Variants in SATB2 observed in about 807,000 individuals in gnomAD.
The protein encoded by SATB2 is DNA-binding protein SATB2.
SATB2 carries 1 observed loss-of-function variant against 73.4 expected under a neutral mutation model. That is an observed-to-expected ratio of 0.01 (90% CI 0.00 to 0.06). SATB2 has a LOEUF of 0.06. Ranked by LOEUF, SATB2 falls within the 10% of genes least tolerant of loss-of-function variation. The probability of loss-of-function intolerance (pLI) is 1.00; values close to 1 mark genes in which losing one functional copy is unlikely to be tolerated. For missense variants in SATB2, 459 were observed against 945.8 expected, an observed-to-expected ratio of 0.49 and a Z score of 6.75; for synonymous variants, 397 against 367.0, an observed-to-expected ratio of 1.08 and a Z score of -0.93.
Position 199,272,325 on chromosome 2 carries a change from G to C in SATB2, c.2088C>G (p.Thr696=). 4 of 1,614,072 alleles carry C rather than the reference G, an allele frequency of 2.5e-6. No homozygotes were observed. The highest frequency in any genetic ancestry group is 3.4e-6 in the Non-Finnish European group (4 of 1,180,006). ...VAEYKDEELL[T]ESEENDSEEG... is the part of the protein sequence containing the mutation. Reference sequence around the variant, plus strand: ...CCTCGCTGTCGTTCTCCTCTGACTCGGTCAGCAGCTCCTCGTCCTTATATT... The same window carrying C: ...CCTCGCTGTCGTTCTCCTCTGACTCCGTCAGCAGCTCCTCGTCCTTATATT... The change falls in exon 11 of 11, where the codon ACC becomes ACG. Residue 696 remains threonine (T), a synonymous_variant. Transcript: ENST00000417098. This position sits in a 1 kb window ranked among gnomAD's most constrained non-coding sequence, Gnocchi z 6.7.
At chr2:199,400,281 T>C (rs566863384) in intron 3 of SATB2, among the ~76,000 whole-genome samples, 1 of 152,306 alleles carries the variant, frequency 6.6e-6, no homozygotes, top group East Asian at 1.9e-4. Context: ...GCACTGAACT[T>C]AGCACCTGGC....
chr2:199,374,434 G>T (rs979617738), intron 5 of SATB2, among the ~76,000 whole-genome samples: 2 of 152,176 alleles, frequency 1.3e-5, no homozygotes, highest in Admixed American at 6.5e-5. Flanking sequence ...TTGCTTAAAG[G>T]TTACAGACTT....
intron 2 of SATB2, among the ~76,000 whole-genome samples, chr2:199,443,722 A>G (rs1394538735): frequency 6.6e-6 from 1 of 152,176 alleles, no homozygotes; most frequent in Non-Finnish European, 1.5e-5. Flanking sequence ...ACCATTTCTC[A>G]GCCATTAAAA....
chr2:199,432,445 A>G lies in SATB2; in HGVS notation c.346+893T>C, dbSNP rs575177179. Among the ~76,000 whole-genome samples the G allele has an allele frequency of 2.0e-5, 3 of 152,324 alleles. No individual in the cohort carries two copies. In the South Asian group the frequency reaches 6.2e-4, roughly 32 times the overall value. On this transcript the variant is annotated intron_variant, in intron 3 of 10. Coordinates refer to ENST00000417098, the MANE Select transcript of SATB2 (RefSeq NM_001172509.2). ...AATTATATGAAGAGAAACTCATTTT[A>G]AAAAATAACAAACATCCTTGGCATC... is the stretch of plus-strand genomic sequence containing the variant.
chr2:199,289,279 C>T (rs1434389941), intron 10 of SATB2, among the ~76,000 whole-genome samples: 1 of 152,136 alleles, frequency 6.6e-6, no homozygotes, highest in Non-Finnish European at 1.5e-5. Context: ...CAAGGACAGG[C>T]ACTCTTGTTT....
intron 8 of SATB2, among the ~76,000 whole-genome samples, chr2:199,326,525 G>A (rs1229186880): frequency 6.6e-6 from 1 of 151,964 alleles, no homozygotes; most frequent in Admixed American, 6.6e-5. Context: ...ATATAATCTT[G>A]TTAGGAAAAT....
intron 6 of SATB2, among the ~76,000 whole-genome samples, chr2:199,359,724 C>T (rs1243877693): frequency 6.6e-6 from 1 of 152,084 alleles, no homozygotes; most frequent in Non-Finnish European, 1.5e-5. Flanking sequence ...AAAACCTCTA[C>T]CTCTGAAGTT....
rs371461684 is a variant in SATB2, at chr2:199,354,038, C to T, written c.701-4865G>A. Among the ~76,000 whole-genome samples, 11 of 152,134 alleles carry T rather than the reference C, an allele frequency of 7.2e-5. No individual in the cohort carries two copies. In the East Asian group the frequency reaches 1.3e-3, roughly 19 times the overall value. On this transcript the variant is annotated intron_variant, in intron 6 of 10. Transcript: ENST00000417098. ...AGAAAATATTCTGATAAAGGCAACA[C>T]GCTTACTTATTAAAGAGACAGTAAA...
In SATB2 at chr2:199,421,205, G is replaced by A. The variant is rs574879370; in HGVS notation, c.346+12133C>T. 1.2e-3 allele frequency among the ~76,000 whole-genome samples: 187 copies of A among 152,162 alleles called. 1 individual carries two copies. Among genetic ancestry groups the A allele is most frequent in the Non-Finnish European group, 2.5e-3 (170 of 67,998 alleles). On this transcript the variant is annotated intron_variant, in intron 3 of 10. Coordinates refer to ENST00000417098, the MANE Select transcript of SATB2 (RefSeq NM_001172509.2). ...TTCCAGGTAGGACCATCTCATACTT[G>A]GTATGCTATAAGAAAGACTATGAAA...
chr2:199,334,502 A>G (rs1358900067), intron 7 of SATB2, among the ~76,000 whole-genome samples: 7 of 151,980 alleles, frequency 4.6e-5, no homozygotes, highest in African/African-American at 1.7e-4. Context: ...GAGCCTTGGC[A>G]CTCATATGGG....
intron 5 of SATB2, among the ~76,000 whole-genome samples, chr2:199,375,105 G>A (rs1689561348): frequency 6.6e-6 from 1 of 152,066 alleles, no homozygotes; most frequent in Non-Finnish European, 1.5e-5. Context: ...TCAAAACCCT[G>A]AGCACCTGGG....
chr2:199,352,173 C>T (rs1363720436), intron 6 of SATB2, among the ~76,000 whole-genome samples: 1 of 152,188 alleles, frequency 6.6e-6, no homozygotes, highest in African/African-American at 2.4e-5. Flanking sequence ...TGTACCTGGC[C>T]ATCTATTTCA....
chr2:199,418,132 T>C (rs1202493121), intron 3 of SATB2, among the ~76,000 whole-genome samples: 4 of 152,334 alleles, frequency 2.6e-5, no homozygotes. Context: ...AAGCACTTTA[T>C]TTGGATTGTT....
intron 3 of SATB2, among the ~76,000 whole-genome samples, chr2:199,421,812 G>A (rs563698466): frequency 6.6e-6 from 1 of 152,282 alleles, no homozygotes; most frequent in Admixed American, 6.5e-5. Flanking sequence ...AAGAAAGCAA[G>A]CCAAATGAAC....
chr2:199,399,120 A>T (rs1347484382), intron 3 of SATB2, among the ~76,000 whole-genome samples: 1 of 151,982 alleles, frequency 6.6e-6, no homozygotes, highest in African/African-American at 2.4e-5. Context: ...AAAAATATAA[A>T]CACTAGCCAG....
At chr2:199,433,256 G>T in intron 3 of SATB2, 82 bp downstream of exon 3, 1 of 1,376,274 alleles carries the variant, frequency 7.3e-7, no homozygotes, top group Non-Finnish European at 1.0e-6. Flanking sequence ...ACCTTTGTTT[G>T]GAGAACTATT....
At chr2:199,319,702 T>G (rs1687832180) in intron 9 of SATB2, among the ~76,000 whole-genome samples, 1 of 151,916 alleles carries the variant, frequency 6.6e-6, no homozygotes, top group Admixed American at 6.6e-5. Flanking sequence ...ATCACATATG[T>G]AGTGTTGAGT....
chr2:199,280,357 T>C (rs2105721259), intron 10 of SATB2, among the ~76,000 whole-genome samples: 1 of 152,192 alleles, frequency 6.6e-6, no homozygotes, highest in South Asian at 2.1e-4. Context: ...AAATTGTTTG[T>C]AGAGCATGTG....
In SATB2 at chr2:199,372,383, T is replaced by C. The variant is rs568443456; in HGVS notation, c.598-3676A>G. On this transcript the variant is annotated intron_variant, in intron 5 of 10. Coordinates refer to ENST00000417098, the MANE Select transcript of SATB2 (RefSeq NM_001172509.2). ...CTGCAAGAGAATAAATTTTATAATA[T>C]TGGTATTTAATACTTATGATAGCTA... Among the ~76,000 whole-genome samples, 53 of 152,326 alleles carry C rather than the reference T, an allele frequency of 3.5e-4. No individual in the cohort carries two copies. The Middle Eastern group carries it at 0.01, about 29-fold the overall frequency.
Sources: allele counts gnomAD v4.1 joint callset (sites outside exome capture counted in the v4.1 genomes callset), GRCh38; gene constraint gnomAD v4.1.1; non-coding constraint Gnocchi (gnomAD v3.1); transcripts MANE v1.5; gene names NCBI Gene and HGNC (gene_info 2026-07-23, HGNC 2026-07-21).